Variants in RALYL observed in about 807,000 individuals in gnomAD.
RALYL encodes RALY RNA binding protein like, also known as RNA-binding Raly-like protein.
RALYL carries 29 observed loss-of-function variants against 35.1 expected under a neutral mutation model. That is an observed-to-expected ratio of 0.83 (90% CI 0.61 to 1.13). The LOEUF is 1.13. Among genes scored for constraint, RALYL ranks in the 50% most tolerant of loss-of-function variants. The pLI is 0.00. For synonymous variants in RALYL, 120 were observed against 127.6 expected (o/e 0.94, Z 0.40); for missense variants, 359 against 360.4 (o/e 1.00, Z 0.03).
At chr8:84,414,165 T>G (rs2044382291) in intron 1 of RALYL, among the ~76,000 whole-genome samples, 1 of 152,214 alleles carries the variant, frequency 6.6e-6, no homozygotes, top group Non-Finnish European at 1.5e-5. Context: ...TGATGACATT[T>G]TAAACATTTA....
intron 1 of RALYL, among the ~76,000 whole-genome samples, chr8:84,386,587 A>G (rs950844348): frequency 2.6e-5 from 4 of 151,810 alleles, no homozygotes; most frequent in African/African-American, 9.7e-5. Context: ...GGCATTACAG[A>G]TGAGGATACT....
At chr8:84,186,265 G>A (rs1812497201) in intron 1 of RALYL, among the ~76,000 whole-genome samples, 1 of 152,062 alleles carries the variant, frequency 6.6e-6, no homozygotes, top group South Asian at 2.1e-4. Context: ...TTCTTATTTT[G>A]TATAGTGAGC....
At chr8:84,474,549 G>A (rs1343681652) in intron 1 of RALYL, among the ~76,000 whole-genome samples, 2 of 152,150 alleles carry the variant, frequency 1.3e-5, no homozygotes, top group East Asian at 3.9e-4. Flanking sequence ...CATTGTATAT[G>A]TGGAATAAAT....
At chr8:84,247,710 A>G (rs1829398947) in intron 1 of RALYL, among the ~76,000 whole-genome samples, 1 of 152,144 alleles carries the variant, frequency 6.6e-6, no homozygotes, top group Admixed American at 6.6e-5. Context: ...CTTATAATAA[A>G]GTACCCCTTC....
chr8:84,483,732 A>G (rs2054294037), intron 1 of RALYL, among the ~76,000 whole-genome samples: 1 of 152,122 alleles, frequency 6.6e-6, no homozygotes, highest in Non-Finnish European at 1.5e-5. Context: ...GTTTTTGCAA[A>G]GCTGTTCAGA....
intron 2 of RALYL, among the ~76,000 whole-genome samples, chr8:84,577,702 G>A (rs1264962302): frequency 6.6e-6 from 1 of 151,956 alleles, no homozygotes; most frequent in Non-Finnish European, 1.5e-5. Context: ...TTAAGAGCTA[G>A]GGAAATGTGA....
chr8:84,246,296 C>T (rs186282613), intron 1 of RALYL, among the ~76,000 whole-genome samples: 7 of 152,180 alleles, frequency 4.6e-5, no homozygotes, highest in Admixed American at 4.6e-4. Flanking sequence ...TATGCTCAGA[C>T]CTAAGGCTAT....
chr8:84,640,474 A>C (rs973694427), intron 2 of RALYL, among the ~76,000 whole-genome samples: 1 of 152,050 alleles, frequency 6.6e-6, no homozygotes, highest in Admixed American at 6.6e-5. Context: ...TAAGATTATG[A>C]GTATAGCAGG....
At chr8:84,761,088 A>G (rs542212437) in intron 2 of RALYL, among the ~76,000 whole-genome samples, 522 of 152,242 alleles carry the variant, frequency 3.4e-3, no homozygotes, top group African/African-American at 0.012. Context: ...CTACAAAAAT[A>G]GAATAGGGAA....
chr8:84,256,602 C>T (rs990193140), intron 1 of RALYL, among the ~76,000 whole-genome samples: 2 of 152,052 alleles, frequency 1.3e-5, no homozygotes, highest in African/African-American at 4.8e-5. Flanking sequence ...GTGAACTGGA[C>T]TTAGGTAACA....
chr8:84,848,481 T>A (rs772390902), intron 4 of RALYL, among the ~76,000 whole-genome samples: 2 of 151,754 alleles, frequency 1.3e-5, no homozygotes, highest in Non-Finnish European at 2.9e-5. Context: ...TGGAATATTG[T>A]TCATCCTCAA....
chr8:84,458,138 A>G (rs1049987790), intron 1 of RALYL, among the ~76,000 whole-genome samples: 1 of 151,892 alleles, frequency 6.6e-6, no homozygotes, highest in African/African-American at 2.4e-5. Flanking sequence ...TTCATTTGTC[A>G]GGAAATAAAA....
chr8:84,825,979 A>C (rs890644278), intron 4 of RALYL, among the ~76,000 whole-genome samples: 13 of 152,188 alleles, frequency 8.5e-5, no homozygotes, highest in African/African-American at 3.1e-4. Flanking sequence ...GACATGAAAA[A>C]TAATAAAATT....
intron 2 of RALYL, among the ~76,000 whole-genome samples, chr8:84,536,457 C>A (rs191147209): frequency 6.6e-6 from 1 of 152,342 alleles, no homozygotes; most frequent in African/African-American, 2.4e-5. Context: ...TATTATTCTT[C>A]TGCATATGCC....
At chr8:84,434,362 C>A (rs1474004270) in intron 1 of RALYL, among the ~76,000 whole-genome samples, 2 of 152,062 alleles carry the variant, frequency 1.3e-5, no homozygotes, top group Non-Finnish European at 2.9e-5. Context: ...CGCAATTCAG[C>A]ACAAAGCACA....
In RALYL at chr8:84,666,381, C is replaced by A. The variant is rs369077024; in HGVS notation, c.257-108198C>A. Reference sequence around the variant, plus strand: ...GCACACACATGTATACAGGCACACACACAAAGATAAATATTTAACAGTGAA... The same window carrying A: ...GCACACACATGTATACAGGCACACAAACAAAGATAAATATTTAACAGTGAA... On this transcript the variant is annotated intron_variant, in intron 2 of 8. Transcript: ENST00000521268. Among the ~76,000 whole-genome samples, 5 of 152,040 alleles carry A rather than the reference C, an allele frequency of 3.3e-5. No homozygotes were observed. In the East Asian group the frequency reaches 7.7e-4, roughly 24 times the overall value.
intron 8 of RALYL, among the ~76,000 whole-genome samples, chr8:84,915,678 C>T (rs183432319): frequency 5.3e-5 from 8 of 152,166 alleles, no homozygotes; most frequent in South Asian, 2.1e-4. Context: ...GATCACTGTA[C>T]GATACTAATC....
Position 84,259,176 on chromosome 8 carries a change from G to C in RALYL, c.-24+74752G>C, listed in dbSNP as rs569792378. Among the ~76,000 whole-genome samples, 37 of 152,264 alleles carry C rather than the reference G, an allele frequency of 2.4e-4. No individual in the cohort carries two copies. In the South Asian group the frequency reaches 7.5e-3, roughly 31 times the overall value. The stretch of plus-strand genomic sequence containing the variant: ...AGGGCCAGAGGGCAGAAGTGACAAG[G>C]ACACAGATTATTTAAGCTCATTACT... On this transcript the variant is annotated intron_variant, in intron 1 of 8. Transcript: ENST00000521268.
In RALYL at chr8:84,347,056, C is replaced by T. The variant is rs570072839; in HGVS notation, c.-24+162632C>T. On this transcript the variant is annotated intron_variant, in intron 1 of 8. Transcript: ENST00000521268. ...CTACTAAAAATACAAAAAAACTTAG[C>T]CAGGCTTGGTAACAGGTGCCTGTAA... Among the ~76,000 whole-genome samples the T allele has an allele frequency of 1.4e-4, 21 of 151,952 alleles. No individual in the cohort carries two copies. The East Asian group carries it at 3.7e-3, about 27-fold the overall frequency.
Sources: allele counts gnomAD v4.1 joint callset (sites outside exome capture counted in the v4.1 genomes callset), GRCh38; gene constraint gnomAD v4.1.1; transcripts MANE v1.5; gene names NCBI Gene and HGNC (gene_info 2026-07-23, HGNC 2026-07-21).